Variants in NFIC observed in about 807,000 individuals in gnomAD.
NFIC encodes the protein nuclear factor I C, also known as nuclear factor 1 C-type.
A neutral mutation model predicts 54.4 loss-of-function variants in NFIC; 12 were observed. The ratio of observed to expected loss-of-function variants is 0.22; its 90% CI spans 0.14 to 0.36. NFIC has a LOEUF of 0.36. NFIC is among the 10% of genes least tolerant of loss of function. NFIC has a pLI of 1.00. For missense variants in NFIC, 575 were observed against 718.2 expected (o/e 0.80, Z 2.28); for synonymous variants, 322 against 319.2 (o/e 1.01, Z -0.09).
At chr19:3,455,380 A>G (rs2082535761) in intron 9 of NFIC, among the ~76,000 whole-genome samples, 1 of 150,996 alleles carries the variant, frequency 6.6e-6, no homozygotes, top group Non-Finnish European at 1.5e-5. Flanking sequence ...GGATCCACTC[A>G]GGGCTCGGTG....
chr19:3,404,996 G>A (rs974158831), intron 2 of NFIC, among the ~76,000 whole-genome samples: 2 of 152,216 alleles, frequency 1.3e-5, no homozygotes, highest in Non-Finnish European at 2.9e-5. Flanking sequence ...GGTGGTGGCC[G>A]CTGACCTGAC....
In NFIC at chr19:3,366,633, C is replaced by G; in HGVS notation, c.-4C>G. ...CCGGCCCTGCGCCTCCCGCCGCGCC[C>G]GGGATGTATTCGTCCCCGCTCTGCC... is the stretch of plus-strand genomic sequence containing the variant. On this transcript the variant is annotated 5_prime_UTR_variant, in exon 1 of 11. Transcript: ENST00000443272. 1 of 1,499,484 alleles carries G rather than the reference C, an allele frequency of 6.7e-7. No homozygotes were observed. The highest frequency in any genetic ancestry group is 2.7e-5 in the East Asian group (1 of 36,724). The allele number at this position is 1,499,484 out of a possible 1,614,324, so 92.9% of individuals were successfully genotyped here.
chr19:3,370,480 CCTCTCT>C lies in NFIC; in HGVS notation c.30+3831_30+3836del, dbSNP rs3834984. 5.4e-5 allele frequency among the ~76,000 whole-genome samples: 8 copies of C among 146,918 alleles called. No homozygotes were observed. The highest frequency in any genetic ancestry group is 1.3e-4 in the Admixed American group (2 of 14,884). The stretch of plus-strand genomic sequence containing the variant: ...GGGATTCTGGCAGAGTCAGCGTTCT[CCTCTCT>C]CTCTCTCTCTCTCTCTGTCTCCCTC... On this transcript the variant is annotated intron_variant, in intron 1 of 10. Coordinates refer to ENST00000443272, the MANE Select transcript of NFIC (RefSeq NM_001245002.2). The surrounding 1 kb of genome is among the most constrained non-coding windows in gnomAD (Gnocchi z 5.2).
rs529719792 is a variant in NFIC at position 3,468,431 on chromosome 19, GC to G, written c.*5669del. 262 of 151,924 alleles carry G rather than the reference GC, an allele frequency of 1.7e-3. 2 individuals carry two copies. Among genetic ancestry groups the G allele is most frequent in the Non-Finnish European group, 1.1e-3 (72 of 68,012 alleles). 9.4% of individuals were successfully genotyped at this position (151,924 alleles called of 1,614,324 possible). A position where few individuals can be genotyped will look rare whatever the true frequency, so the allele number is the denominator to read the frequency against. On this transcript the variant is annotated 3_prime_UTR_variant, in exon 11 of 11. Coordinates refer to ENST00000443272, the MANE Select transcript of NFIC (RefSeq NM_001245002.2). ...TCCTCTCATCTTGGGTCCCAGCCAG[GC>G]CCCCCCAAAACCAAAGCCCCCTCAA...
At chr19:3,381,346 G>A (rs1479222463) in intron 1 of NFIC, among the ~76,000 whole-genome samples, 2 of 143,356 alleles carry the variant, frequency 1.4e-5, no homozygotes, top group Non-Finnish European at 3.0e-5. Flanking sequence ...AGTGGGCCGA[G>A]ATTGCGCCAC....
intron 2 of NFIC, among the ~76,000 whole-genome samples, chr19:3,407,314 T>C (rs369504053): frequency 4.6e-5 from 7 of 151,370 alleles, no homozygotes; most frequent in African/African-American, 1.2e-4. Context: ...GGGGTTTCAC[T>C]GTGTTAGCCA....
At chr19:3,367,844 G>A (rs2080925198) in intron 1 of NFIC, among the ~76,000 whole-genome samples, 1 of 152,152 alleles carries the variant, frequency 6.6e-6, no homozygotes, top group Non-Finnish European at 1.5e-5. Context: ...CACTGTGTGG[G>A]GAGTATATGA....
intron 6 of NFIC, among the ~76,000 whole-genome samples, chr19:3,437,921 G>A (rs758742347): frequency 6.6e-5 from 10 of 151,746 alleles, no homozygotes; most frequent in African/African-American, 2.2e-4. Context: ...CAAGTGATCC[G>A]CCAACCTCAA....
Position 3,453,854 on chromosome 19 carries a change from T to TC in NFIC, c.1367dup (p.Ala457CysfsTer85). ...CCCCCGGGGCTGCCACGGCTGGCGC[T>TC]CCCCCCTGCCACCAAACCCGCCACC... On this transcript the variant is annotated frameshift_variant, in exon 9 of 11. Coordinates refer to ENST00000443272, the MANE Select transcript of NFIC (RefSeq NM_001245002.2). LOFTEE classifies it high-confidence loss of function. The surrounding 1 kb of genome is among the most constrained non-coding windows in gnomAD (Gnocchi z 6.7). 3.2e-6 allele frequency: 5 copies of TC among 1,556,848 alleles called. No homozygotes were observed. The highest frequency in any genetic ancestry group is 4.3e-6 in the Non-Finnish European group (5 of 1,153,042).
chr19:3,367,470 C>T (rs2080915019), intron 1 of NFIC, among the ~76,000 whole-genome samples: 1 of 140,680 alleles, frequency 7.1e-6, no homozygotes, highest in Non-Finnish European at 1.7e-5. Context: ...GCACCTGCCC[C>T]GTCCCCTCCC....
rs59668846 is a variant in NFIC, at chr19:3,465,151, T to TAAAAAAAAAAAAAAAAAAAAAAAA, written c.*2405_*2406insAAAAAAAAAAAAAAAAAAAAAAAA. On this transcript the variant is annotated 3_prime_UTR_variant, in exon 11 of 11. Coordinates refer to ENST00000443272, the MANE Select transcript of NFIC (RefSeq NM_001245002.2). ...CCCCCTCCACCCCCCACTTCCTCTT[T>TAAAAAAAAAAAAAAAAAAAAAAAA]AAAAAAAAAAAAAAAAAAAAAAAGA... The TAAAAAAAAAAAAAAAAAAAAAAAA allele has an allele frequency of 2.9e-5, 2 of 68,060 alleles. No individual in the cohort carries two copies. The highest frequency in any genetic ancestry group is 8.0e-4 in the South Asian group (1 of 1,248). The allele number at this position is 68,060 out of a possible 1,614,324, so 4.2% of individuals were successfully genotyped here.
chr19:3,387,764 G>A (rs1008776668), intron 2 of NFIC, among the ~76,000 whole-genome samples: 68 of 152,120 alleles, frequency 4.5e-4, no homozygotes, highest in Non-Finnish European at 7.8e-4. Flanking sequence ...AGTGAGTGGC[G>A]AGGGCCGTCC....
rs1045217046 is a variant in NFIC at position 3,467,223 on chromosome 19, C to CG, written c.*4454_*4455insG. ...CACACCTATGCCAGGCCCCCCCCCCCACCCCAGTCTCATTCTGGGGTCTGC... is the reference window on the plus strand; with the variant it reads ...CACACCTATGCCAGGCCCCCCCCCCCGACCCCAGTCTCATTCTGGGGTCTGC... On this transcript the variant is annotated 3_prime_UTR_variant, in exon 11 of 11. Coordinates refer to ENST00000443272, the MANE Select transcript of NFIC (RefSeq NM_001245002.2). The CG allele has an allele frequency of 8.1e-6, 1 of 123,882 alleles. No homozygotes were observed. The highest frequency in any genetic ancestry group is 3.1e-5 in the African/African-American group (1 of 32,680). 7.7% of individuals were successfully genotyped at this position (123,882 alleles called of 1,614,324 possible).
At chr19:3,457,041 G>A (rs938572819) in intron 10 of NFIC, among the ~76,000 whole-genome samples, 18 of 152,174 alleles carry the variant, frequency 1.2e-4, no homozygotes, top group African/African-American at 3.9e-4. Flanking sequence ...CCCCATCCAC[G>A]CCGAGGCCTA....
Position 3,463,363 on chromosome 19 carries a change from CCGGGCAGCGGAGACCGCAGAGG to C in NFIC, c.*602_*623del. On this transcript the variant is annotated 3_prime_UTR_variant, in exon 11 of 11. Coordinates refer to ENST00000443272, the MANE Select transcript of NFIC (RefSeq NM_001245002.2). ...GAAAGGGAGACACAGCGGACCCCGG[CCGGGCAGCGGAGACCGCAGAGG>C]CGGGCAGGGTGGGGCAGGCGAGTGG... 1.0e-6 allele frequency: 1 copy of C among 986,236 alleles called. No homozygotes were observed. Among genetic ancestry groups the C allele is most frequent in the Non-Finnish European group, 1.2e-6 (1 of 830,604 alleles). 61.1% of individuals were successfully genotyped at this position (986,236 alleles called of 1,614,324 possible). A position where few individuals can be genotyped will look rare whatever the true frequency, so the allele number is the denominator to read the frequency against.
intron 1 of NFIC, among the ~76,000 whole-genome samples, chr19:3,380,224 T>C (rs554050802): frequency 6.8e-6 from 1 of 147,438 alleles, no homozygotes; most frequent in Non-Finnish European, 1.5e-5. Flanking sequence ...CAGGATGGTC[T>C]CAATCTCCTG....
chr19:3,365,605 C>G (rs1014991899), upstream of NFIC, among the ~76,000 whole-genome samples: 1 of 152,164 alleles, frequency 6.6e-6, no homozygotes, highest in African/African-American at 2.4e-5. Flanking sequence ...GGCCTGGCTC[C>G]AAGCCACACT....
At chr19:3,415,130 G>A (rs1028393358) in intron 2 of NFIC, among the ~76,000 whole-genome samples, 1 of 151,138 alleles carries the variant, frequency 6.6e-6, no homozygotes, top group East Asian at 2.0e-4. Flanking sequence ...GTGAGCCACC[G>A]TGCCCTGCCA....
At chr19:3,400,592 G>A (rs1016831230) in intron 2 of NFIC, among the ~76,000 whole-genome samples, 14 of 152,190 alleles carry the variant, frequency 9.2e-5, no homozygotes, top group South Asian at 2.1e-4. Context: ...TGTCATCCCA[G>A]CACTGTGGGG....
Sources: allele counts gnomAD v4.1 joint callset (sites outside exome capture counted in the v4.1 genomes callset), GRCh38; gene constraint gnomAD v4.1.1; non-coding constraint Gnocchi (gnomAD v3.1); transcripts MANE v1.5; gene names NCBI Gene and HGNC (gene_info 2026-07-23, HGNC 2026-07-21).